Variants in SGCZ observed in about 807,000 individuals in gnomAD.
SGCZ encodes the protein zeta-sarcoglycan.
SGCZ carries 40 observed loss-of-function variants against 41.3 expected under a neutral mutation model. The ratio of observed to expected loss-of-function variants is 0.97; its 90% CI spans 0.75 to 1.26. SGCZ has a LOEUF of 1.26. Among genes scored for constraint, SGCZ ranks in the 50% most tolerant of loss-of-function variants. SGCZ has a pLI of 0.00. For synonymous variants in SGCZ, 206 were observed against 137.5 expected (o/e 1.50, Z -3.49); for missense variants, 552 against 369.8 (o/e 1.49, Z -4.04).
chr8:14,482,716 C>A lies in SGCZ; in HGVS notation c.234+72016G>T, dbSNP rs184010446. Among the ~76,000 whole-genome samples the A allele has an allele frequency of 2.5e-3, 376 of 152,098 alleles. 4 individuals are homozygous for A. Among genetic ancestry groups the A allele is most frequent in the Non-Finnish European group, 7.6e-4 (52 of 67,998 alleles). ...CTCCCCAATGAGGGTGGGGATCATA[C>A]AACCTGCTGAGGGCCCGAATAGAAC... On this transcript the variant is annotated intron_variant, in intron 2 of 7. Coordinates refer to ENST00000382080, the MANE Select transcript of SGCZ (RefSeq NM_139167.4).
intron 3 of SGCZ, among the ~76,000 whole-genome samples, chr8:14,257,415 A>G (rs1799504226): frequency 6.6e-6 from 1 of 151,954 alleles, no homozygotes; most frequent in Non-Finnish European, 1.5e-5. Flanking sequence ...TTCCTCTTTT[A>G]CTCTAAAACT....
At chr8:14,684,738 T>C (rs2117551501) in intron 1 of SGCZ, among the ~76,000 whole-genome samples, 1 of 151,794 alleles carries the variant, frequency 6.6e-6, no homozygotes, top group East Asian at 1.9e-4. Flanking sequence ...TTAACAGGAA[T>C]CACATCATAT....
chr8:14,408,563 CCA>C (rs1799272608), intron 2 of SGCZ, among the ~76,000 whole-genome samples: 1 of 152,136 alleles, frequency 6.6e-6, no homozygotes, highest in African/African-American at 2.4e-5. Context: ...CAATTCTTTT[CCA>C]CAGTGGCTAG....
intron 2 of SGCZ, among the ~76,000 whole-genome samples, chr8:14,467,562 C>T (rs185522349): frequency 9.9e-5 from 15 of 152,114 alleles, no homozygotes; most frequent in East Asian, 1.9e-4. Flanking sequence ...TACTGTGCTA[C>T]GAGGAGCAAT....
chr8:14,389,403 T>G (rs1804681705), intron 2 of SGCZ, among the ~76,000 whole-genome samples: 1 of 148,898 alleles, frequency 6.7e-6, no homozygotes, highest in South Asian at 2.1e-4. Flanking sequence ...AATATAAGCA[T>G]ACTGAAAGTA....
chr8:14,566,335 C>A lies in SGCZ; in HGVS notation c.40-11409G>T, dbSNP rs192490606. 2.0e-5 allele frequency among the ~76,000 whole-genome samples: 3 copies of A among 152,282 alleles called. No homozygotes were observed. The East Asian group carries it at 5.8e-4, about 29-fold the overall frequency. On this transcript the variant is annotated intron_variant, in intron 1 of 7. Transcript: ENST00000382080. ...TGGGAAGGAGTACAGCATTCAATGG[C>A]ACAAACAAGGAAGTAAAAAGTGGCC...
At chr8:14,259,962 A>G (rs183596181) in intron 3 of SGCZ, among the ~76,000 whole-genome samples, 1 of 152,190 alleles carries the variant, frequency 6.6e-6, no homozygotes, top group Non-Finnish European at 1.5e-5. Flanking sequence ...GTTAATTTCC[A>G]TTTGTTTGTA....
At chr8:15,040,145 G>C (rs1387593446) in intron 1 of SGCZ, among the ~76,000 whole-genome samples, 1 of 152,156 alleles carries the variant, frequency 6.6e-6, no homozygotes, top group Non-Finnish European at 1.5e-5. Context: ...ATAGGTACAT[G>C]GAGAGATCTA....
chr8:15,204,359 T>C (rs1250470859), intron 1 of SGCZ, among the ~76,000 whole-genome samples: 1 of 152,190 alleles, frequency 6.6e-6, no homozygotes. Flanking sequence ...AGGAAAGACA[T>C]GAATTAAAGG....
intron 2 of SGCZ, among the ~76,000 whole-genome samples, chr8:14,445,724 C>T (rs578207509): frequency 1.1e-4 from 17 of 152,152 alleles, no homozygotes; most frequent in Non-Finnish European, 2.4e-4. Context: ...TGGTCACTGG[C>T]AGAGGGCAGC....
At chr8:14,971,303 T>A (rs956425858) in intron 1 of SGCZ, among the ~76,000 whole-genome samples, 5 of 152,180 alleles carry the variant, frequency 3.3e-5, no homozygotes, top group Non-Finnish European at 5.9e-5. Context: ...ATCTCCAGTA[T>A]AATACCGAAT....
At chr8:14,958,270 T>A (rs571601625) in intron 1 of SGCZ, among the ~76,000 whole-genome samples, 1 of 152,040 alleles carries the variant, frequency 6.6e-6, no homozygotes, top group Non-Finnish European at 1.5e-5. Context: ...AAAATATGTA[T>A]CCATAAAAAA....
intron 1 of SGCZ, among the ~76,000 whole-genome samples, chr8:14,884,737 T>C (rs912715538): frequency 1.3e-5 from 2 of 152,192 alleles, no homozygotes; most frequent in African/African-American, 4.8e-5. Flanking sequence ...CTATTTTTAG[T>C]ATATATTTAG....
chr8:15,086,280 T>G (rs1218833630), intron 1 of SGCZ, among the ~76,000 whole-genome samples: 1 of 152,196 alleles, frequency 6.6e-6, no homozygotes, highest in Non-Finnish European at 1.5e-5. Context: ...AAAATATTCT[T>G]GCATACTCCG....
intron 3 of SGCZ, among the ~76,000 whole-genome samples, chr8:14,305,136 T>C (rs1801309861): frequency 1.3e-5 from 2 of 152,168 alleles, no homozygotes; most frequent in Admixed American, 1.3e-4. Flanking sequence ...ATTTTACTGA[T>C]ATTCATTTTA....
chr8:14,805,845 G>A (rs1457944496), intron 1 of SGCZ, among the ~76,000 whole-genome samples: 2 of 151,406 alleles, frequency 1.3e-5, no homozygotes, highest in Admixed American at 6.6e-5. Context: ...CCTCTCCTCA[G>A]CAAATGTAAA....
chr8:14,483,382 C>A (rs1585575507), intron 2 of SGCZ, among the ~76,000 whole-genome samples: 1 of 152,088 alleles, frequency 6.6e-6, no homozygotes, highest in Non-Finnish European at 1.5e-5. Flanking sequence ...CCAGCCTGAG[C>A]AATACAGTGA....
At chr8:14,852,290 T>A (rs1435965874) in intron 1 of SGCZ, among the ~76,000 whole-genome samples, 1 of 152,162 alleles carries the variant, frequency 6.6e-6, no homozygotes, top group East Asian at 1.9e-4. Flanking sequence ...AAGGTAGAAA[T>A]AGTTCATCAA....
chr8:14,308,291 TA>T (rs1330797497), intron 3 of SGCZ, among the ~76,000 whole-genome samples: 2 of 152,056 alleles, frequency 1.3e-5, no homozygotes, highest in Non-Finnish European at 2.9e-5. Context: ...GTCATGACAA[TA>T]AGTGATAGGC....
Sources: allele counts gnomAD v4.1 joint callset (sites outside exome capture counted in the v4.1 genomes callset), GRCh38; gene constraint gnomAD v4.1.1; transcripts MANE v1.5; gene names NCBI Gene and HGNC (gene_info 2026-07-23, HGNC 2026-07-21).